Variants in RASL10A observed in about 807,000 individuals in gnomAD.
RASL10A encodes the protein ras-like protein family member 10A.
A neutral mutation model predicts 17.3 loss-of-function variants in RASL10A; 13 were observed. That is an observed-to-expected ratio of 0.75 (90% CI 0.49 to 1.20). The LOEUF (loss-of-function observed/expected upper bound fraction) is 1.20. Among genes scored for constraint, RASL10A ranks in the 50% most tolerant of loss-of-function variants. The probability of loss-of-function intolerance (pLI) is 0.00; values close to 1 mark genes in which losing one functional copy is unlikely to be tolerated. For missense variants in RASL10A, 307 were observed against 310.3 expected (o/e 0.99, Z 0.08); for synonymous variants, 159 against 142.2 (o/e 1.12, Z -0.84).
At chr22:29,314,992 C>T (rs1386596960) in intron 1 of RASL10A, 36 bp downstream of exon 1, 3 of 1,436,650 alleles carry the variant, frequency 2.1e-6, no homozygotes, top group South Asian at 1.4e-5. Flanking sequence ...ACCCCTCACA[C>T]TGTCACACGC....
chr22:29,316,746 CACTG>C (rs894843215), upstream of RASL10A: 17 of 152,338 alleles, frequency 1.1e-4, no homozygotes, highest in African/African-American at 3.4e-4. Flanking sequence ...CAGATCTCTG[CACTG>C]ACTAAGGAGT....
chr22:29,313,742 T>C (rs1160590854), intron 2 of RASL10A, 121 bp downstream of exon 2: 1 of 1,491,968 alleles, frequency 6.7e-7, no homozygotes, highest in Non-Finnish European at 8.9e-7. Flanking sequence ...CTTAAGACCT[T>C]CCCACGGGCG....
chr22:29,319,389 C>T (rs1471974856), upstream of RASL10A: 1 of 152,090 alleles, frequency 6.6e-6, no homozygotes, highest in African/African-American at 2.4e-5. Flanking sequence ...CTCATGATGA[C>T]TCCCACTAAT....
intron 1 of RASL10A, among the ~76,000 whole-genome samples, chr22:29,314,490 C>T (rs970429349): frequency 5.3e-5 from 8 of 152,214 alleles, no homozygotes; most frequent in Middle Eastern, 3.2e-3. Flanking sequence ...CCACTCCCTC[C>T]AGGAAGCCCT....
In RASL10A at chr22:29,313,457, C is replaced by T. The variant is rs2061432151; in HGVS notation, c.456G>A (p.Trp152Ter). ...RALAALVRRG[W>*]RCGYLECSAK... is the part of the protein sequence containing the mutation. Reference sequence around the variant, plus strand: ...CGGAGCACTCGAGGTAGCCGCAGCGCCAGCCCCTGCGCACTAGGGCGGCCA... The same window carrying T: ...CGGAGCACTCGAGGTAGCCGCAGCGTCAGCCCCTGCGCACTAGGGCGGCCA... Residue 152 changes from tryptophan (W) to a stop codon, truncating the protein, a stop_gained, in exon 3 of 3, where the codon TGG becomes TGA. Coordinates refer to ENST00000216101, the MANE Select transcript of RASL10A (RefSeq NM_006477.5). LOFTEE classifies it high-confidence loss of function. 1.3e-6 allele frequency: 2 copies of T among 1,543,958 alleles called. No individual in the cohort carries two copies. Among genetic ancestry groups the T allele is most frequent in the Admixed American group, 1.9e-5 (1 of 51,544 alleles).
intron 1 of RASL10A, among the ~76,000 whole-genome samples, chr22:29,314,488 T>A (rs1418113129): frequency 1.3e-5 from 2 of 152,152 alleles, no homozygotes; most frequent in Non-Finnish European, 2.9e-5. Context: ...TGCCACTCCC[T>A]CCAGGAAGCC....
chr22:29,316,317 T>C (rs941379174), upstream of RASL10A, among the ~76,000 whole-genome samples: 13 of 151,990 alleles, frequency 8.6e-5, no homozygotes, highest in Admixed American at 1.3e-4. Flanking sequence ...TGGCCCACAC[T>C]AGACAATATT....
chr22:29,318,762 C>G (rs1008870283), upstream of RASL10A, among the ~76,000 whole-genome samples: 15 of 152,188 alleles, frequency 9.9e-5, no homozygotes, highest in Non-Finnish European at 2.2e-4. Context: ...CCTTGAATGC[C>G]CCTATCCAGG....
Position 29,313,529 on chromosome 22 carries a change from G to GC in RASL10A, c.383dup (p.Asn129GlnfsTer132). The GC allele has an allele frequency of 6.4e-7, 1 of 1,568,184 alleles. No homozygotes were observed. The highest frequency in any genetic ancestry group is 8.6e-7 in the Non-Finnish European group (1 of 1,165,442). On this transcript the variant is annotated frameshift_variant, in exon 3 of 3. Transcript: ENST00000216101. LOFTEE classifies it high-confidence loss of function. ...GCAGCCGCTGCCTGTCCCGCTTGTT[G>GC]CCTACCACGAGGATGGGCGCTTCGG...
In RASL10A at chr22:29,312,996, C is replaced by T. The variant is rs2061427353; in HGVS notation, c.*305G>A. ...GGCATAAAGAATATGTCCAGTGAAG[C>T]TCCAGGAGCAGGCTGCGTGTTTCCA... is the stretch of plus-strand genomic sequence containing the variant. On this transcript the variant is annotated 3_prime_UTR_variant, in exon 3 of 3. Transcript: ENST00000216101. The T allele has an allele frequency of 5.1e-6, 2 of 389,454 alleles. No individual in the cohort carries two copies. The highest frequency in any genetic ancestry group is 7.7e-5 in the East Asian group (2 of 26,016). 24.1% of individuals were successfully genotyped at this position (389,454 alleles called of 1,614,324 possible).
At chr22:29,317,404 ATTTATT>A (rs2061459291), upstream of RASL10A, among the ~76,000 whole-genome samples, 1 of 151,840 alleles carries the variant, frequency 6.6e-6, no homozygotes, top group African/African-American at 2.4e-5. Flanking sequence ...CATCCAGCTG[ATTTATT>A]TTTATTTTTT....
intron 1 of RASL10A, among the ~76,000 whole-genome samples, 154 bp downstream of exon 1, chr22:29,314,874 G>A (rs1300415031): frequency 6.6e-6 from 1 of 152,236 alleles, no homozygotes. Context: ...TCGGCGGGAA[G>A]GGCTGAAACG....
rs2061430114 is a variant in RASL10A at position 29,313,273 on chromosome 22, G to GGCCCA, written c.*23_*27dup. 5.5e-6 allele frequency: 8 copies of GGCCCA among 1,459,060 alleles called. No homozygotes were observed. The South Asian group carries it at 1.1e-4, about 20-fold the overall frequency. 90.4% of individuals were successfully genotyped at this position (1,459,060 alleles called of 1,614,324 possible). A position where few individuals can be genotyped will look rare whatever the true frequency, so the allele number is the denominator to read the frequency against. ...CCTGATTGTCCCAGTCACAAGGTGG[G>GGCCCA]GCCCATGGATGGCACTGTCCGATCG... is the stretch of plus-strand genomic sequence containing the variant. On this transcript the variant is annotated 3_prime_UTR_variant, in exon 3 of 3. Coordinates refer to ENST00000216101, the MANE Select transcript of RASL10A (RefSeq NM_006477.5).
intron 1 of RASL10A, among the ~76,000 whole-genome samples, chr22:29,314,510 T>C (rs1277488759): frequency 6.6e-6 from 1 of 152,246 alleles, no homozygotes; most frequent in Non-Finnish European, 1.5e-5. Context: ...TGCTTAATCC[T>C]GCCTGCTCTT....
At chr22:29,317,286 G>A (rs1300292513), upstream of RASL10A, 1 of 152,262 alleles carries the variant, frequency 6.6e-6, no homozygotes, top group Admixed American at 6.5e-5. Context: ...ACCCAAGCTG[G>A]AGTGCAGTGG....
chr22:29,313,630 G>A (rs2061434456), intron 2 of RASL10A, 62 bp from the exon 3 acceptor site: 1 of 1,464,448 alleles, frequency 6.8e-7, no homozygotes, highest in Non-Finnish European at 9.0e-7. Flanking sequence ...CCCCCAGTGG[G>A]TATACACACG....
Position 29,315,674 on chromosome 22 carries a change from T to C in RASL10A, c.-428A>G, listed in dbSNP as rs2061450034. On this transcript the variant is annotated 5_prime_UTR_variant, in exon 1 of 3. Transcript: ENST00000216101. The surrounding 1 kb of genome is among the most constrained non-coding windows in gnomAD (Gnocchi z 5.5). ...CCCGGAGCCTCTGTGCCTCTATCCT[T>C]CTCTCGCTTCCGCGCCTGGAGTCGC... 1 of 151,694 alleles carries C rather than the reference T, an allele frequency of 6.6e-6. No individual in the cohort carries two copies. Among genetic ancestry groups the C allele is most frequent in the Non-Finnish European group, 1.5e-5 (1 of 67,960 alleles). 9.4% of individuals were successfully genotyped at this position (151,694 alleles called of 1,614,324 possible). A position where few individuals can be genotyped will look rare whatever the true frequency, so the allele number is the denominator to read the frequency against.
In RASL10A at chr22:29,315,131, G is replaced by C; in HGVS notation, c.116C>G (p.Pro39Arg). ...CAGCACCGCGGGTCGGTAGAGGCGC[G>C]GCCCGTCCGTGGGCCGGTGGCGCTC... ...YPERHRPTDG[P>R]RLYRPAVLLD... Residue 39 changes from proline (P) to arginine (R), a missense_variant, in exon 1 of 3, where the codon CCG becomes CGG. Physicochemically the swap from Pro to Arg is moderately radical, Grantham distance 103 (BLOSUM62 -2). Coordinates refer to ENST00000216101, the MANE Select transcript of RASL10A (RefSeq NM_006477.5). The surrounding 1 kb of genome is among the most constrained non-coding windows in gnomAD (Gnocchi z 5.5). 9 of 1,531,896 alleles carry C rather than the reference G, an allele frequency of 5.9e-6. No individual in the cohort carries two copies. Among genetic ancestry groups the C allele is most frequent in the Non-Finnish European group, 7.9e-6 (9 of 1,144,538 alleles). 94.9% of individuals were successfully genotyped at this position (1,531,896 alleles called of 1,614,324 possible). A position where few individuals can be genotyped will look rare whatever the true frequency, so the allele number is the denominator to read the frequency against.
chr22:29,313,074 G>A lies in RASL10A; in HGVS notation c.*227C>T. 2.1e-6 allele frequency: 1 copy of A among 486,512 alleles called. No homozygotes were observed. The highest frequency in any genetic ancestry group is 3.4e-5 in the East Asian group (1 of 29,610). 30.1% of individuals were successfully genotyped at this position (486,512 alleles called of 1,614,324 possible). On this transcript the variant is annotated 3_prime_UTR_variant, in exon 3 of 3. Coordinates refer to ENST00000216101, the MANE Select transcript of RASL10A (RefSeq NM_006477.5). ...TCCAATGGGATTGTGACCCATTGAG[G>A]TCCCAGAAAGGACTGGTCATCTCCA... is the stretch of plus-strand genomic sequence containing the variant.
Sources: gnomAD v4.1 joint callset for allele counts (sites outside exome capture counted in the v4.1 genomes callset) on GRCh38, gnomAD v4.1.1 for gene constraint, Gnocchi (gnomAD v3.1) non-coding constraint, MANE v1.5 for transcripts, NCBI Gene and HGNC (gene_info 2026-07-23, HGNC 2026-07-21) for gene names.